MLLT10: variants seen among roughly 807,000 people sequenced by gnomAD.
The protein encoded by MLLT10 is MLLT10 histone lysine methyltransferase DOT1L cofactor.
A neutral mutation model predicts 129.1 loss-of-function variants in MLLT10; 30 were observed. The ratio of observed to expected loss-of-function variants is 0.23; its 90% CI spans 0.17 to 0.32. MLLT10 has a LOEUF of 0.32. MLLT10 is among the 10% of genes least tolerant of loss of function. The pLI is 1.00. For synonymous variants in MLLT10, 490 were observed against 446.4 expected (o/e 1.10, Z -1.23); for missense variants, 1,119 against 1,268.3 (o/e 0.88, Z 1.79).
chr10:21,573,950 T>C (rs1220099007), intron 3 of MLLT10, among the ~76,000 whole-genome samples: 1 of 152,218 alleles, frequency 6.6e-6, no homozygotes, highest in Non-Finnish European at 1.5e-5. Flanking sequence ...TGTAATCTTG[T>C]TGCTTTTTGT....
intron 3 of MLLT10, among the ~76,000 whole-genome samples, chr10:21,571,818 G>T (rs1353119954): frequency 6.6e-6 from 1 of 152,170 alleles, no homozygotes; most frequent in Non-Finnish European, 1.5e-5. Flanking sequence ...TGCAGAAGGT[G>T]TTTATATGTC....
intron 12 of MLLT10, 27 bp downstream of exon 12, chr10:21,681,403 C>G: frequency 6.4e-7 from 1 of 1,552,840 alleles, no homozygotes; most frequent in Non-Finnish European, 8.9e-7. Flanking sequence ...GGTTGATAAC[C>G]CGGGCCTTTT....
intron 21 of MLLT10, among the ~76,000 whole-genome samples, chr10:21,737,754 C>G (rs1295704037): frequency 6.6e-6 from 1 of 151,992 alleles, no homozygotes; most frequent in East Asian, 1.9e-4. Flanking sequence ...CGTGGGGCTT[C>G]CTCCAGACCC....
chr10:21,743,562 A>G lies in MLLT10; in HGVS notation c.*1579A>G, dbSNP rs1833923412. On this transcript the variant is annotated 3_prime_UTR_variant, in exon 23 of 23. Transcript: ENST00000307729. ...TTTTGAATGTGTTGTTATTTTACCTAGATGTAAAATTCCACATGTATTAAA... is the reference window on the plus strand; with the variant it reads ...TTTTGAATGTGTTGTTATTTTACCTGGATGTAAAATTCCACATGTATTAAA... The G allele has an allele frequency of 5.6e-6, 1 of 178,124 alleles. No individual in the cohort carries two copies. Among genetic ancestry groups the G allele is most frequent in the Non-Finnish European group, 1.2e-5 (1 of 82,620 alleles). 11.0% of individuals were successfully genotyped at this position (178,124 alleles called of 1,614,324 possible).
chr10:21,591,977 A>T, intron 4 of MLLT10, among the ~76,000 whole-genome samples: 1 of 152,154 alleles, frequency 6.6e-6, no homozygotes, highest in Non-Finnish European at 1.5e-5. Context: ...TGCCTTGGCT[A>T]TCTAAAGTGT....
rs559046713 is a variant in MLLT10 at position 21,558,982 on chromosome 10, C to T, written c.240+20070C>T. On this transcript the variant is annotated intron_variant, in intron 3 of 22. Transcript: ENST00000307729. ...TTAAGTATCTTGCCACTTCTTAGCT[C>T]TTTGCATTTGATAAATATTTTGAAC... 2.1e-3 allele frequency among the ~76,000 whole-genome samples: 324 copies of T among 152,206 alleles called. 3 individuals are homozygous for T. Among genetic ancestry groups the T allele is most frequent in the African/African-American group, 7.4e-3 (309 of 41,536 alleles).
intron 3 of MLLT10, among the ~76,000 whole-genome samples, chr10:21,574,950 C>T (rs1038082574): frequency 6.6e-6 from 1 of 152,040 alleles, no homozygotes; most frequent in East Asian, 1.9e-4. Context: ...ACTTAGAATG[C>T]ATAACTTACT....
chr10:21,706,576 G>C (rs2055525364), intron 13 of MLLT10, among the ~76,000 whole-genome samples: 2 of 152,132 alleles, frequency 1.3e-5, no homozygotes, highest in Non-Finnish European at 2.9e-5. Flanking sequence ...TACTTACTTA[G>C]TTAAATATTT....
rs1197525964 is a variant in MLLT10, at chr10:21,554,707, G to A, written c.240+15795G>A. 2.1e-4 allele frequency among the ~76,000 whole-genome samples: 31 copies of A among 150,440 alleles called. 1 individual carries two copies. Among genetic ancestry groups the A allele is most frequent in the Admixed American group, 2.0e-3 (30 of 15,008 alleles). On this transcript the variant is annotated intron_variant, in intron 3 of 22. Coordinates refer to ENST00000307729, the MANE Select transcript of MLLT10 (RefSeq NM_001195626.3). The stretch of plus-strand genomic sequence containing the variant: ...GATCTCCTGACCTCGTGATCTGCCC[G>A]CCTCGGCCTCCCAAAGTGCTGGGAC...
At chr10:21,635,735 T>G (rs1273575321) in intron 8 of MLLT10, among the ~76,000 whole-genome samples, 2 of 151,700 alleles carry the variant, frequency 1.3e-5, no homozygotes, top group East Asian at 1.9e-4. Flanking sequence ...TGTTGTTGTT[T>G]TTTTTTTTGA....
chr10:21,742,059 TACA>T lies in MLLT10; in HGVS notation c.*77_*79del. 1 of 1,344,814 alleles carries T rather than the reference TACA, an allele frequency of 7.4e-7. No homozygotes were observed. Among genetic ancestry groups the T allele is most frequent in the Non-Finnish European group, 1.1e-6 (1 of 946,422 alleles). 83.3% of individuals were successfully genotyped at this position (1,344,814 alleles called of 1,614,324 possible). A position where few individuals can be genotyped will look rare whatever the true frequency, so the allele number is the denominator to read the frequency against. On this transcript the variant is annotated 3_prime_UTR_variant, in exon 23 of 23. Transcript: ENST00000307729. ...CTGGCTGCCTTTGCAGTCCTTTTAC[TACA>T]GCTATGAAGAAACGCAACAAGAAAC...
intron 8 of MLLT10, chr10:21,625,311 C>T (rs2046324291): frequency 1.3e-6 from 1 of 797,156 alleles, no homozygotes; most frequent in Non-Finnish European, 2.2e-6. Flanking sequence ...ATAACAGCTG[C>T]TCGTCTGTCT....
chr10:21,685,382 T>A (rs2053197001), intron 13 of MLLT10, among the ~76,000 whole-genome samples: 1 of 152,234 alleles, frequency 6.6e-6, no homozygotes, highest in Non-Finnish European at 1.5e-5. Flanking sequence ...TTGCACAGGC[T>A]GGAATGCAAT....
intron 9 of MLLT10, among the ~76,000 whole-genome samples, chr10:21,665,000 C>CAGT (rs1192598284): frequency 1.1e-4 from 16 of 139,692 alleles, no homozygotes; most frequent in Non-Finnish European, 1.8e-4. Context: ...GGCTGGAGTG[C>CAGT]AGTAGCATGA....
chr10:21,624,897 C>A (rs2046275703), intron 8 of MLLT10: 2 of 1,241,660 alleles, frequency 1.6e-6, no homozygotes, highest in Non-Finnish European at 2.3e-6. Flanking sequence ...CAAAGGTGCC[C>A]CCTTTTGTGA....
At chr10:21,586,228 A>G in intron 3 of MLLT10, 66 bp from the exon 4 acceptor site, 2 of 1,256,262 alleles carry the variant, frequency 1.6e-6, no homozygotes, top group Non-Finnish European at 2.2e-6. Context: ...TTGACGTTGC[A>G]GGGAAGATAC....
chr10:21,634,010 TG>T (rs2047234092), intron 8 of MLLT10, among the ~76,000 whole-genome samples: 1 of 152,076 alleles, frequency 6.6e-6, no homozygotes, highest in African/African-American at 2.4e-5. Context: ...GAAGCCAAGG[TG>T]GGTGGATCAC....
chr10:21,610,506 T>C (rs1000136836), intron 5 of MLLT10, among the ~76,000 whole-genome samples: 1 of 152,196 alleles, frequency 6.6e-6, no homozygotes, highest in East Asian at 1.9e-4. Context: ...TGGGTAAATT[T>C]TTTTCTGTAT....
chr10:21,607,434 C>G (rs1037947377), intron 5 of MLLT10, among the ~76,000 whole-genome samples: 4 of 151,080 alleles, frequency 2.6e-5, no homozygotes, highest in African/African-American at 9.7e-5. Context: ...AATTCTCACA[C>G]TTCAGCCTCC....
Sources: allele counts gnomAD v4.1 joint callset (sites outside exome capture counted in the v4.1 genomes callset), GRCh38; gene constraint gnomAD v4.1.1; transcripts MANE v1.5; gene names NCBI Gene and HGNC (gene_info 2026-07-23, HGNC 2026-07-21).